Variants in IL1RAPL1 observed in about 807,000 individuals in gnomAD.
IL1RAPL1 encodes interleukin 1 receptor accessory protein like 1.
IL1RAPL1 carries 3 observed loss-of-function variants against 48.4 expected under a neutral mutation model. That is an observed-to-expected ratio of 0.06 (90% CI 0.03 to 0.16). The LOEUF is 0.16. Ranked by LOEUF, IL1RAPL1 falls within the 10% of genes least tolerant of loss-of-function variation. IL1RAPL1 has a pLI of 1.00. For synonymous variants in IL1RAPL1, 185 were observed against 187.7 expected, an observed-to-expected ratio of 0.99 and a Z score of 0.12; for missense variants, 349 against 530.6, an observed-to-expected ratio of 0.66 and a Z score of 3.36.
chrX:29,792,064 T>C (rs899711241), intron 6 of IL1RAPL1, among the ~76,000 whole-genome samples: 11 of 111,584 alleles, frequency 9.9e-5, no homozygotes, highest in African/African-American at 3.6e-4. Flanking sequence ...TGAAGCTATT[T>C]AAGTTTCCTG....
At chrX:29,668,574 G>A in intron 6 of IL1RAPL1, 70 bp downstream of exon 6, 1 of 739,540 alleles carries the variant, frequency 1.4e-6, no homozygotes, top group Non-Finnish European at 2.1e-6. Context: ...AGCCTAGATT[G>A]TAACCCGATG....
chrX:29,210,469 G>A (rs963061939), intron 2 of IL1RAPL1, among the ~76,000 whole-genome samples: 1 of 112,110 alleles, frequency 8.9e-6, no homozygotes, highest in Non-Finnish European at 1.9e-5. Flanking sequence ...TTAAGGAAGG[G>A]ATAGTCAAAT....
In IL1RAPL1 at chrX:28,989,140, A is replaced by T. The variant is rs988754125; in HGVS notation, c.82+199715A>T. On this transcript the variant is annotated intron_variant, in intron 2 of 10. Transcript: ENST00000378993. ...CACCATTGTATTAACTACATCACTG[A>T]CTTCAATAGCTGAAAGAGAGGCACT... Among the ~76,000 whole-genome samples, 15 of 112,275 alleles carry T rather than the reference A, an allele frequency of 1.3e-4. No individual in the cohort carries two copies. The East Asian group carries it at 2.2e-3, about 17-fold the overall frequency.
intron 6 of IL1RAPL1, among the ~76,000 whole-genome samples, chrX:29,908,044 T>C (rs1932677013): frequency 9.0e-6 from 1 of 111,141 alleles, no homozygotes; most frequent in South Asian, 3.8e-4. Flanking sequence ...ACATTAACTA[T>C]AGCTAAACTG....
chrX:28,638,125 T>C (rs1469618394), intron 1 of IL1RAPL1, among the ~76,000 whole-genome samples: 1 of 111,794 alleles, frequency 8.9e-6, no homozygotes, highest in Non-Finnish European at 1.9e-5. Context: ...AATTTAATGA[T>C]TTTTAAACAA....
chrX:29,625,156 C>G (rs1223124439), intron 5 of IL1RAPL1, among the ~76,000 whole-genome samples: 1 of 111,195 alleles, frequency 9.0e-6, no homozygotes, highest in African/African-American at 3.3e-5. Context: ...GTTTGTTGAC[C>G]CCTGCCCTAA....
At chrX:28,654,203 T>TA (rs758736967) in intron 1 of IL1RAPL1, among the ~76,000 whole-genome samples, 150 of 97,409 alleles carry the variant, frequency 1.5e-3, no homozygotes, top group Middle Eastern at 5.1e-3. Context: ...CTTCTTTGGT[T>TA]AAAAAAAAAA....
At chrX:29,775,493 T>C (rs1929173687) in intron 6 of IL1RAPL1, among the ~76,000 whole-genome samples, 1 of 111,353 alleles carries the variant, frequency 9.0e-6, no homozygotes, top group Non-Finnish European at 1.9e-5. Context: ...CAGAACACAT[T>C]GTAAGAGCAC....
intron 2 of IL1RAPL1, among the ~76,000 whole-genome samples, chrX:29,203,722 A>AATAGATATATATAT (rs1930603989): frequency 1.3e-5 from 1 of 78,428 alleles, no homozygotes; most frequent in African/African-American, 5.4e-5. Context: ...TCCGTCTCAA[A>AATAGATATATATAT]ATATATATAT....
intron 3 of IL1RAPL1, among the ~76,000 whole-genome samples, chrX:29,351,617 A>G (rs1253584312): frequency 8.9e-6 from 1 of 112,537 alleles, no homozygotes; most frequent in Non-Finnish European, 1.9e-5. Flanking sequence ...ATACTTAGGA[A>G]GAAATATCGA....
chrX:29,553,391 G>C lies in IL1RAPL1; in HGVS notation c.704-115039G>C, dbSNP rs765183320. ...TTCTCAGATAGAGTCTGTAACTTTTGGTTCTTTCAGCTGTAATCCACTGTC... is the reference window on the plus strand; with the variant it reads ...TTCTCAGATAGAGTCTGTAACTTTTCGTTCTTTCAGCTGTAATCCACTGTC... On this transcript the variant is annotated intron_variant, in intron 5 of 10. Transcript: ENST00000378993. Among the ~76,000 whole-genome samples the C allele has an allele frequency of 3.6e-5, 4 of 111,459 alleles. No individual in the cohort carries two copies. The South Asian group carries it at 1.5e-3, about 42-fold the overall frequency.
In IL1RAPL1 at chrX:29,338,204, T is replaced by A. The variant is rs142894571; in HGVS notation, c.362+54987T>A. 7.1e-3 allele frequency among the ~76,000 whole-genome samples: 788 copies of A among 111,063 alleles called. 6 individuals are homozygous for A. The highest frequency in any genetic ancestry group is 0.025 in the African/African-American group (755 of 30,511). ...TTAACTATAAAGTGTGTGAGAGGCA[T>A]ATAAATTTAATCACTTTAGGAAATT... is the stretch of plus-strand genomic sequence containing the variant. On this transcript the variant is annotated intron_variant, in intron 3 of 10. Coordinates refer to ENST00000378993, the MANE Select transcript of IL1RAPL1 (RefSeq NM_014271.4).
chrX:28,789,425 G>A lies in IL1RAPL1; in HGVS notation c.82G>A (p.Ala28Thr), dbSNP rs377167082. Reference protein sequence around the residue: ...SLKVVTKRGSADGCTDWSIDI... With the variant: ...SLKVVTKRGSTDGCTDWSIDI... ...GAAGGTTGTGACCAAAAGAGGCTCC[G>A]GTAAGCAGTATTCCTCTATTTTTTA... Residue 28 changes from alanine (A) to threonine (T), a missense_variant and splice_region_variant, in exon 2 of 11, where the codon GCC becomes ACC. Physicochemically the swap from Ala to Thr is moderately conservative, Grantham distance 58 (BLOSUM62 0). This residue lies in a region of IL1RAPL1 where 238 missense variants were observed against 337.8 expected (regional missense o/e 0.70). Transcript: ENST00000378993. The A allele has an allele frequency of 1.4e-5, 17 of 1,175,560 alleles. No individual in the cohort carries two copies. Among genetic ancestry groups the A allele is most frequent in the Non-Finnish European group, 2.0e-5 (17 of 863,986 alleles).
intron 6 of IL1RAPL1, among the ~76,000 whole-genome samples, chrX:29,762,619 T>G (rs1250515648): frequency 8.9e-6 from 1 of 112,057 alleles, no homozygotes; most frequent in African/African-American, 3.2e-5. Context: ...GAAATGAACA[T>G]TCATTCACTA....
chrX:28,825,008 TG>T (rs1373114533), intron 2 of IL1RAPL1, among the ~76,000 whole-genome samples: 2 of 111,453 alleles, frequency 1.8e-5, no homozygotes, highest in Non-Finnish European at 3.8e-5. Flanking sequence ...TATGCCAAGG[TG>T]GCTGTCTTCT....
In IL1RAPL1 at chrX:29,320,728, T is replaced by C. The variant is rs552612127; in HGVS notation, c.362+37511T>C. Reference sequence around the variant, plus strand: ...TTGCAGTGAGTCGAGATCATGCCGCTGCACTCCAGCCTGGACAACAGAGTG... The same window carrying C: ...TTGCAGTGAGTCGAGATCATGCCGCCGCACTCCAGCCTGGACAACAGAGTG... On this transcript the variant is annotated intron_variant, in intron 3 of 10. Coordinates refer to ENST00000378993, the MANE Select transcript of IL1RAPL1 (RefSeq NM_014271.4). Among the ~76,000 whole-genome samples, 5 of 109,677 alleles carry C rather than the reference T, an allele frequency of 4.6e-5. No individual in the cohort carries two copies. In the South Asian group the frequency reaches 1.6e-3, roughly 35 times the overall value.
chrX:28,645,766 C>T (rs1252513610), intron 1 of IL1RAPL1, among the ~76,000 whole-genome samples: 2 of 111,608 alleles, frequency 1.8e-5, no homozygotes, highest in Admixed American at 1.9e-4. Context: ...TTTGCAGTTT[C>T]TAGTTTCTCA....
intron 5 of IL1RAPL1, among the ~76,000 whole-genome samples, chrX:29,496,040 C>T (rs1012611298): frequency 1.8e-5 from 2 of 111,454 alleles, no homozygotes; most frequent in African/African-American, 6.5e-5. Flanking sequence ...TTATATCATA[C>T]TGCAGCTATG....
intron 2 of IL1RAPL1, among the ~76,000 whole-genome samples, chrX:28,914,944 T>C (rs1923449727): frequency 8.9e-6 from 1 of 112,256 alleles, no homozygotes; most frequent in Non-Finnish European, 1.9e-5. Context: ...GGTTTTACAG[T>C]GAAAACTGTA....
Sources: allele counts gnomAD v4.1 joint callset (sites outside exome capture counted in the v4.1 genomes callset), GRCh38; gene constraint gnomAD v4.1.1; regional missense constraint gnomAD v4.1.1; transcripts MANE v1.5; gene names NCBI Gene and HGNC (gene_info 2026-07-23, HGNC 2026-07-21).